Variants in NAALADL2 observed in about 807,000 individuals in gnomAD.
NAALADL2 encodes the protein N-acetylated alpha-linked acidic dipeptidase like 2, also known as inactive N-acetylated-alpha-linked acidic dipeptidase-like protein 2.
Under a neutral mutation model 87.2 loss-of-function variants are expected in NAALADL2, and 76 were observed. The observed-to-expected ratio is 0.87, with a 90% CI of 0.72 to 1.05. The LOEUF (loss-of-function observed/expected upper bound fraction) is 1.05. Among genes scored for constraint, NAALADL2 ranks in the 50% least tolerant of loss-of-function variants. The pLI is 0.00. For missense variants in NAALADL2, 1,089 were observed against 945.8 expected (o/e 1.15, Z -1.99); for synonymous variants, 354 against 331.0 (o/e 1.07, Z -0.75).
chr3:174,863,226 G>A (rs1726718344), intron 1 of NAALADL2, among the ~76,000 whole-genome samples: 1 of 152,092 alleles, frequency 6.6e-6, no homozygotes, highest in Non-Finnish European at 1.5e-5. Flanking sequence ...TGCGTTTGCT[G>A]CAGTTTTACG....
intron 9 of NAALADL2, among the ~76,000 whole-genome samples, chr3:175,546,787 T>C (rs1560736825): frequency 6.6e-6 from 1 of 152,060 alleles, no homozygotes; most frequent in African/African-American, 2.4e-5. Flanking sequence ...TCTCTCTAGA[T>C]GCCTGTAACA....
intron 2 of NAALADL2, among the ~76,000 whole-genome samples, chr3:175,200,296 A>C (rs191044210): frequency 2.0e-5 from 3 of 152,234 alleles, no homozygotes; most frequent in Admixed American, 1.3e-4. Context: ...TAGAACCATG[A>C]TGATGGACAT....
intron 5 of NAALADL2, among the ~76,000 whole-genome samples, chr3:175,431,118 A>C (rs1048506141): frequency 6.6e-6 from 1 of 152,112 alleles, no homozygotes; most frequent in Non-Finnish European, 1.5e-5. Flanking sequence ...TCATATGATT[A>C]ATATTTTCTT....
At chr3:175,414,433 A>G (rs976583605) in intron 5 of NAALADL2, among the ~76,000 whole-genome samples, 1 of 152,186 alleles carries the variant, frequency 6.6e-6, no homozygotes, top group Non-Finnish European at 1.5e-5. Flanking sequence ...AATTTGGGCT[A>G]CTTATAGACT....
At chr3:175,169,456 A>AATATATATATATATAT (rs141242519) in intron 2 of NAALADL2, among the ~76,000 whole-genome samples, 79 of 147,110 alleles carry the variant, frequency 5.4e-4, no homozygotes, top group East Asian at 2.4e-3. Context: ...TAGTTGTAAG[A>AATATATATATATATAT]ATATATATAT....
intron 1 of NAALADL2, among the ~76,000 whole-genome samples, chr3:174,522,933 C>CAAAAAAAAAAAAAAAAAAAAA (rs57653560): frequency 1.3e-5 from 1 of 75,822 alleles, no homozygotes; most frequent in Non-Finnish European, 2.4e-5. Flanking sequence ...GACTCTGTCT[C>CAAAAAAAAAAAAAAAAAAAAA]AAAAAAAAAA....
intron 2 of NAALADL2, among the ~76,000 whole-genome samples, chr3:175,221,495 T>C (rs1743362429): frequency 6.6e-6 from 1 of 152,138 alleles, no homozygotes; most frequent in Non-Finnish European, 1.5e-5. Flanking sequence ...ACTCATCTAT[T>C]TTCTTGTTTT....
chr3:174,505,623 G>T (rs1578044031), intron 1 of NAALADL2, among the ~76,000 whole-genome samples: 1 of 152,190 alleles, frequency 6.6e-6, no homozygotes, highest in South Asian at 2.1e-4. Flanking sequence ...GATAAGGGTA[G>T]TGGAAGGACA....
At chr3:175,186,669 C>A (rs1560135310) in intron 2 of NAALADL2, among the ~76,000 whole-genome samples, 1 of 152,052 alleles carries the variant, frequency 6.6e-6, no homozygotes, top group Non-Finnish European at 1.5e-5. Context: ...AACTGTCTGG[C>A]AAAATGTTCT....
Position 175,595,672 on chromosome 3 carries a change from C to G in NAALADL2, c.1800+19485C>G, listed in dbSNP as rs772218398. Among the ~76,000 whole-genome samples, 4 of 151,924 alleles carry G rather than the reference C, an allele frequency of 2.6e-5. No individual in the cohort carries two copies. The East Asian group carries it at 7.7e-4, about 29-fold the overall frequency. ...CAGAGAAAATGAAAACCTGGGACTA[C>G]AGCTGCCCAAGGAAGTGAAAGATCT... On this transcript the variant is annotated intron_variant, in intron 10 of 13. Coordinates refer to ENST00000454872, the MANE Select transcript of NAALADL2 (RefSeq NM_207015.3).
chr3:174,481,147 T>A lies in NAALADL2; in HGVS notation c.-184+40115T>A, dbSNP rs550864879. ...CAAAAGGCAGATAGAAGGAAGAGAT[T>A]ATAGGGAAGTTTAGTAGGTAAACTT... On this transcript the variant is annotated intron_variant, in intron 1 of 3. Transcript: ENST00000434257. Among the ~76,000 whole-genome samples, 4 of 152,136 alleles carry A rather than the reference T, an allele frequency of 2.6e-5. No individual in the cohort carries two copies. The South Asian group carries it at 8.3e-4, about 32-fold the overall frequency.
intron 1 of NAALADL2, among the ~76,000 whole-genome samples, chr3:175,012,416 C>A (rs1749954611): frequency 6.6e-6 from 1 of 152,142 alleles, no homozygotes; most frequent in African/African-American, 2.4e-5. Context: ...GATCCGCCCA[C>A]AACGGCCTCC....
chr3:175,595,353 T>C (rs894059186), intron 10 of NAALADL2, among the ~76,000 whole-genome samples: 1 of 152,106 alleles, frequency 6.6e-6, no homozygotes, highest in Non-Finnish European at 1.5e-5. Context: ...TCCATTGGTC[T>C]ATGTGTCTGT....
At chr3:175,670,715 T>A (rs1733886703) in intron 11 of NAALADL2, among the ~76,000 whole-genome samples, 1 of 150,966 alleles carries the variant, frequency 6.6e-6, no homozygotes, top group African/African-American at 2.4e-5. Flanking sequence ...CATCTGGTTA[T>A]TCTTGACTCA....
At chr3:175,042,206 T>C (rs937201189) in intron 1 of NAALADL2, among the ~76,000 whole-genome samples, 1 of 152,188 alleles carries the variant, frequency 6.6e-6, no homozygotes, top group African/African-American at 2.4e-5. Flanking sequence ...TCACTTAATA[T>C]CATGTCCTCC....
At chr3:174,553,917 C>A (rs140817946) in intron 2 of NAALADL2, among the ~76,000 whole-genome samples, 2 of 152,058 alleles carry the variant, frequency 1.3e-5, no homozygotes, top group East Asian at 3.9e-4. Flanking sequence ...TTAGGTAATT[C>A]TATCTTGAAG....
intron 2 of NAALADL2, among the ~76,000 whole-genome samples, chr3:175,198,724 A>G (rs1339806026): frequency 6.6e-6 from 1 of 152,070 alleles, no homozygotes; most frequent in Non-Finnish European, 1.5e-5. Flanking sequence ...TATACTGACA[A>G]GAAACCTGAC....
At chr3:175,628,591 A>G (rs1727316145) in intron 11 of NAALADL2, among the ~76,000 whole-genome samples, 1 of 138,874 alleles carries the variant, frequency 7.2e-6, no homozygotes, top group Admixed American at 7.8e-5. Flanking sequence ...ACATTTTAGT[A>G]CCATTAAAAT....
rs546066441 is a variant in NAALADL2, at chr3:174,505,294, G to T, written c.-183-45275G>T. ...AGTGGCAGAGTGAAATGAAAAAATT[G>T]TGAGTTAATAATAGTGATGCCTCAA... On this transcript the variant is annotated intron_variant, in intron 1 of 3. Coordinates refer to the NAALADL2 transcript ENST00000434257. 2.0e-5 allele frequency among the ~76,000 whole-genome samples: 3 copies of T among 152,226 alleles called. No individual in the cohort carries two copies. The South Asian group carries it at 6.2e-4, about 32-fold the overall frequency.
Sources: allele counts gnomAD v4.1 joint callset (sites outside exome capture counted in the v4.1 genomes callset), GRCh38; gene constraint gnomAD v4.1.1; transcripts MANE v1.5; gene names NCBI Gene and HGNC (gene_info 2026-07-23, HGNC 2026-07-21).